PHLDB2: variants seen among roughly 807,000 people sequenced by gnomAD.
PHLDB2 encodes the protein pleckstrin homology-like domain family B member 2.
Under a neutral mutation model 123.6 loss-of-function variants are expected in PHLDB2, and 71 were observed. The observed-to-expected ratio is 0.57, with a 90% CI of 0.47 to 0.70. PHLDB2 has a LOEUF of 0.70. Ranked by LOEUF, PHLDB2 falls within the 30% of genes least tolerant of loss-of-function variation. The pLI is 0.00. For missense variants in PHLDB2, 1,446 were observed against 1,519.5 expected (o/e 0.95, Z 0.80); for synonymous variants, 547 against 541.6 (o/e 1.01, Z -0.14).
At chr3:111,807,772 AAGAAGG>A (rs1469556982) in intron 1 of PHLDB2, among the ~76,000 whole-genome samples, 2 of 152,064 alleles carry the variant, frequency 1.3e-5, no homozygotes, top group South Asian at 4.2e-4. Flanking sequence ...AAAGGAGAAG[AAGAAGG>A]AGAAGGAGAA....
Position 111,975,458 on chromosome 3 carries a change from G to C in PHLDB2, c.*895G>C, listed in dbSNP as rs2072457602. On this transcript the variant is annotated 3_prime_UTR_variant, in exon 18 of 18. Coordinates refer to ENST00000431670, the MANE Select transcript of PHLDB2 (RefSeq NM_001134438.2). The stretch of plus-strand genomic sequence containing the variant: ...GGCAACCAGTAGCCAATGTCCTTTA[G>C]ATTGTCTGATTTCTTTTTGTTGTGG... The C allele has an allele frequency of 6.6e-6, 1 of 152,184 alleles. No individual in the cohort carries two copies. The allele number at this position is 152,184 out of a possible 1,614,324, so 9.4% of individuals were successfully genotyped here.
chr3:111,777,282 A>G (rs1015957199), intron 1 of PHLDB2, among the ~76,000 whole-genome samples: 1 of 152,172 alleles, frequency 6.6e-6, no homozygotes, highest in Non-Finnish European at 1.5e-5. Flanking sequence ...TCCATTACAC[A>G]ACAGTAATAG....
intron 5 of PHLDB2, among the ~76,000 whole-genome samples, chr3:111,922,459 G>A (rs947246616): frequency 6.6e-6 from 1 of 152,192 alleles, no homozygotes; most frequent in Non-Finnish European, 1.5e-5. Context: ...CTTGACAGAG[G>A]CTATGCACTG....
intron 1 of PHLDB2, among the ~76,000 whole-genome samples, chr3:111,832,502 GTGT>G (rs2063096663): frequency 6.7e-6 from 1 of 150,356 alleles, no homozygotes; most frequent in South Asian, 2.1e-4. Context: ...ATTAATCTTA[GTGT>G]TGTTATTTTC....
chr3:111,963,305 G>T (rs1251378143), intron 13 of PHLDB2, among the ~76,000 whole-genome samples: 1 of 152,138 alleles, frequency 6.6e-6, no homozygotes, highest in African/African-American at 2.4e-5. Flanking sequence ...GCCTTTGACT[G>T]TACTGGTTCT....
At chr3:111,795,696 T>C (rs1392357838) in intron 1 of PHLDB2, among the ~76,000 whole-genome samples, 3 of 152,186 alleles carry the variant, frequency 2.0e-5, no homozygotes, top group Non-Finnish European at 4.4e-5. Flanking sequence ...GTTTACCTAG[T>C]TTTCATAAGT....
intron 1 of PHLDB2, among the ~76,000 whole-genome samples, chr3:111,753,022 C>T (rs1188986571): frequency 6.6e-6 from 1 of 152,104 alleles, no homozygotes; most frequent in Admixed American, 6.6e-5. Flanking sequence ...TGTATATGTG[C>T]CAAGTTTTCT....
chr3:111,859,317 A>G lies in PHLDB2; in HGVS notation c.-274A>G, dbSNP rs1398129521. On this transcript the variant is annotated 5_prime_UTR_variant, in exon 1 of 18. Transcript: ENST00000431670. ...GAAGCTGGCGCCCAGTGATGGGGCAAACAGCCATGCCCTTCCAGCAGCCGT... is the reference window on the plus strand; with the variant it reads ...GAAGCTGGCGCCCAGTGATGGGGCAGACAGCCATGCCCTTCCAGCAGCCGT... 1.0e-6 allele frequency: 1 copy of G among 985,422 alleles called. No homozygotes were observed. The highest frequency in any genetic ancestry group is 1.2e-6 in the Non-Finnish European group (1 of 829,992). The allele number at this position is 985,422 out of a possible 1,614,324, so 61.0% of individuals were successfully genotyped here.
intron 1 of PHLDB2, among the ~76,000 whole-genome samples, chr3:111,735,402 G>A (rs1333675276): frequency 6.6e-6 from 1 of 152,092 alleles, no homozygotes; most frequent in African/African-American, 2.4e-5. Flanking sequence ...CTTTTGTTCA[G>A]ATATGTCCTA....
chr3:111,741,951 G>A (rs2059611759), intron 1 of PHLDB2, among the ~76,000 whole-genome samples: 1 of 152,136 alleles, frequency 6.6e-6, no homozygotes, highest in South Asian at 2.1e-4. Context: ...TCTTATTTTA[G>A]ATGGTGTTAT....
chr3:111,807,637 T>C (rs2061652555), intron 1 of PHLDB2, among the ~76,000 whole-genome samples: 1 of 152,170 alleles, frequency 6.6e-6, no homozygotes. Context: ...GTCCCACTTG[T>C]AGTCCTGACT....
chr3:111,807,288 A>G (rs1478786297), intron 1 of PHLDB2, among the ~76,000 whole-genome samples: 1 of 152,210 alleles, frequency 6.6e-6, no homozygotes, highest in Non-Finnish European at 1.5e-5. Flanking sequence ...AATTTAATAA[A>G]TGATAATTGC....
At chr3:111,817,934 C>A (rs1466258815) in intron 1 of PHLDB2, among the ~76,000 whole-genome samples, 2 of 152,108 alleles carry the variant, frequency 1.3e-5, no homozygotes, top group Non-Finnish European at 2.9e-5. Context: ...ACAAGACAAG[C>A]TAACATTTGT....
chr3:111,932,854 C>T (rs1224597842), intron 6 of PHLDB2, among the ~76,000 whole-genome samples: 1 of 152,062 alleles, frequency 6.6e-6, no homozygotes, highest in Non-Finnish European at 1.5e-5. Context: ...TTTGTGTTTC[C>T]TTTTCTTTCT....
At chr3:111,837,749 A>G (rs2063482058) in intron 1 of PHLDB2, among the ~76,000 whole-genome samples, 2 of 152,178 alleles carry the variant, frequency 1.3e-5, no homozygotes, top group South Asian at 2.1e-4. Flanking sequence ...ACAAATACAT[A>G]TTACTGAACC....
intron 1 of PHLDB2, among the ~76,000 whole-genome samples, chr3:111,816,789 G>A (rs2062096362): frequency 6.6e-6 from 1 of 152,178 alleles, no homozygotes; most frequent in Non-Finnish European, 1.5e-5. Flanking sequence ...GGGGCCAACA[G>A]TGGAATGATA....
chr3:111,950,425 T>C (rs1280297228), intron 10 of PHLDB2, among the ~76,000 whole-genome samples: 2 of 152,168 alleles, frequency 1.3e-5, no homozygotes, highest in African/African-American at 2.4e-5. Context: ...TATCTCCATA[T>C]TAAAGTTTTG....
chr3:111,793,504 C>T (rs1432459783), intron 1 of PHLDB2, among the ~76,000 whole-genome samples: 1 of 151,956 alleles, frequency 6.6e-6, no homozygotes, highest in Non-Finnish European at 1.5e-5. Context: ...GTGCTCTACC[C>T]CACTGTGGCC....
intron 1 of PHLDB2, among the ~76,000 whole-genome samples, chr3:111,792,045 T>G (rs2060949454): frequency 6.6e-6 from 1 of 152,216 alleles, no homozygotes; most frequent in Non-Finnish European, 1.5e-5. Flanking sequence ...ATCAACTTTT[T>G]TAGCTTTCAC....
Sources: allele counts gnomAD v4.1 joint callset (sites outside exome capture counted in the v4.1 genomes callset), GRCh38; gene constraint gnomAD v4.1.1; transcripts MANE v1.5; gene names NCBI Gene and HGNC (gene_info 2026-07-23, HGNC 2026-07-21).